The following LINGO2 variants were observed in gnomAD, a reference collection of about 807,000 sequenced individuals.
LINGO2 encodes leucine-rich repeat and immunoglobulin-like domain-containing nogo receptor-interacting protein 2.
A neutral mutation model predicts 30.6 loss-of-function variants in LINGO2; 14 were observed. The ratio of observed to expected loss-of-function variants is 0.46; its 90% CI spans 0.30 to 0.72. The LOEUF (loss-of-function observed/expected upper bound fraction) is 0.72, where lower values mean the gene tolerates loss of function less well. Among genes scored for constraint, LINGO2 ranks in the 30% least tolerant of loss-of-function variants. The probability of loss-of-function intolerance (pLI) is 0.07; values close to 1 mark genes in which losing one functional copy is unlikely to be tolerated. For missense variants in LINGO2, 729 were observed against 751.7 expected (o/e 0.97, Z 0.35); for synonymous variants, 317 against 288.5 (o/e 1.10, Z -1.00).
the LINGO2 span, among the ~76,000 whole-genome samples, chr9:29,001,499 C>A: frequency 1.5e-4 from 23 of 152,036 alleles, no homozygotes; most frequent in Admixed American, 8.5e-4. Flanking sequence ...CAGAGGCTGA[C>A]CTCAATATGA....
intron 4 of LINGO2, among the ~76,000 whole-genome samples, chr9:28,179,638 T>C (rs184241036): frequency 0.04 from 5,173 of 128,586 alleles, 321 homozygotes; most frequent in African/African-American, 0.13. Flanking sequence ...TTTTATACTA[T>C]ATATACTGTA....
the LINGO2 span, among the ~76,000 whole-genome samples, chr9:28,770,856 G>C: frequency 2.0e-5 from 3 of 152,128 alleles, no homozygotes; most frequent in African/African-American, 7.2e-5. Context: ...CTGTTGGTCA[G>C]ACCAAAAGAA....
rs112685768 is a variant in LINGO2, at chr9:28,345,685, C to T, written c.-246+27151G>A. Among the ~76,000 whole-genome samples, 1,321 of 152,202 alleles carry T rather than the reference C, an allele frequency of 8.7e-3. 27 individuals are homozygous for T. Among genetic ancestry groups the T allele is most frequent in the African/African-American group, 0.03 (1,250 of 41,522 alleles). On this transcript the variant is annotated intron_variant, in intron 3 of 5. Coordinates refer to ENST00000379992, the Ensembl canonical transcript of LINGO2. ...CCTTCAACTCACATTTGAGTTTTGTCCAGTATTCTTTCACCAAAGCAAACT... is the reference window on the plus strand; with the variant it reads ...CCTTCAACTCACATTTGAGTTTTGTTCAGTATTCTTTCACCAAAGCAAACT...
chr9:28,922,613 A>C, the LINGO2 span, among the ~76,000 whole-genome samples: 3 of 152,178 alleles, frequency 2.0e-5, no homozygotes, highest in South Asian at 6.2e-4. Context: ...AAAACAGTAA[A>C]TGGGATCAAG....
chr9:28,882,985 C>T, the LINGO2 span, among the ~76,000 whole-genome samples: 1 of 152,176 alleles, frequency 6.6e-6, no homozygotes, highest in South Asian at 2.1e-4. Flanking sequence ...TTAAAATAAA[C>T]ACACATACAC....
chr9:28,130,847 A>G lies in LINGO2; in HGVS notation c.-86-118442T>C, dbSNP rs1340415920. The stretch of plus-strand genomic sequence containing the variant: ...GCTACAGAAGGAAGTTTATGTACAT[A>G]TGTTCCCATGAATGCGTTTGAGGCC... On this transcript the variant is annotated intron_variant, in intron 4 of 5. Transcript: ENST00000379992. The surrounding 1 kb of genome is among the most constrained non-coding windows in gnomAD (Gnocchi z 5.2). Among the ~76,000 whole-genome samples, 2 of 152,132 alleles carry G rather than the reference A, an allele frequency of 1.3e-5. No individual in the cohort carries two copies. Among genetic ancestry groups the G allele is most frequent in the African/African-American group, 4.8e-5 (2 of 41,442 alleles).
At chr9:29,069,058 C>G in the LINGO2 span, among the ~76,000 whole-genome samples, 13 of 151,880 alleles carry the variant, frequency 8.6e-5, no homozygotes, top group Admixed American at 7.9e-4. Flanking sequence ...GAAGGATTTT[C>G]TTAAGCTTAG....
At chr9:28,314,779 T>TA (rs1188576288) in intron 3 of LINGO2, among the ~76,000 whole-genome samples, 1 of 151,896 alleles carries the variant, frequency 6.6e-6, no homozygotes, top group Non-Finnish European at 1.5e-5. Context: ...GGTCAGAAGA[T>TA]AGAGACCATC....
At chr9:28,434,399 G>T (rs1212059157) in intron 2 of LINGO2, among the ~76,000 whole-genome samples, 1 of 151,200 alleles carries the variant, frequency 6.6e-6, no homozygotes, top group African/African-American at 2.4e-5. Context: ...ACATTATTCA[G>T]ATAGAGGACA....
intron 4 of LINGO2, among the ~76,000 whole-genome samples, chr9:28,273,674 T>C (rs1238908683): frequency 3.9e-5 from 6 of 152,162 alleles, no homozygotes; most frequent in Admixed American, 6.5e-5. Context: ...GATATTGGGA[T>C]TGTTACGACT....
intron 5 of LINGO2, among the ~76,000 whole-genome samples, chr9:28,003,703 C>T (rs930813417): frequency 9.2e-5 from 14 of 152,240 alleles, no homozygotes; most frequent in South Asian, 8.3e-4. Context: ...CCTTGTGATC[C>T]GCCCGCCTTG....
At chr9:28,936,590 T>C in the LINGO2 span, among the ~76,000 whole-genome samples, 6 of 152,318 alleles carry the variant, frequency 3.9e-5, 1 homozygote, top group South Asian at 1.2e-3. Flanking sequence ...AGTTCTCCAC[T>C]GCTTGGAAAA....
intron 1 of LINGO2, among the ~76,000 whole-genome samples, chr9:28,508,025 T>C (rs1820223962): frequency 6.6e-6 from 1 of 152,024 alleles, no homozygotes; most frequent in Non-Finnish European, 1.5e-5. Context: ...CTTTGATGAG[T>C]GGGTAGGTTA....
rs978227614 is a variant in LINGO2 at position 28,035,911 on chromosome 9, CACACAT to C, written c.-86-23512_-86-23507del. On this transcript the variant is annotated intron_variant, in intron 4 of 5. Transcript: ENST00000379992. ...ACACACAAACACACACACACACACA[CACACAT>C]GCGCTAATATAATACTGACTCATCA... Among the ~76,000 whole-genome samples the C allele has an allele frequency of 2.1e-3, 314 of 151,804 alleles. 1 individual carries two copies. Among genetic ancestry groups the C allele is most frequent in the African/African-American group, 6.7e-3 (279 of 41,334 alleles).
intron 1 of LINGO2, among the ~76,000 whole-genome samples, chr9:28,536,982 G>A (rs796578384): frequency 2.6e-5 from 4 of 152,128 alleles, no homozygotes; most frequent in African/African-American, 9.6e-5. Context: ...TACTAGAACA[G>A]AATGGGCCTC....
intron 1 of LINGO2, among the ~76,000 whole-genome samples, chr9:28,583,137 A>G (rs998654811): frequency 6.6e-6 from 1 of 152,028 alleles, no homozygotes; most frequent in African/African-American, 2.4e-5. Context: ...AGGAAAAGAG[A>G]TATATAATTT....
chr9:28,148,415 G>A lies in LINGO2; in HGVS notation c.-86-136010C>T, dbSNP rs1464269730. The A allele has an allele frequency of 3.8e-6, 5 of 1,315,852 alleles. No individual in the cohort carries two copies. The African/African-American group carries it at 4.4e-5, about 11-fold the overall frequency. The allele number at this position is 1,315,852 out of a possible 1,614,324, so 81.5% of individuals were successfully genotyped here. On this transcript the variant is annotated intron_variant, in intron 4 of 5. Transcript: ENST00000379992. This position sits in a 1 kb window ranked among gnomAD's most constrained non-coding sequence, Gnocchi z 5.1. ...TTCATTAGATGAGCAGGTGATCCCAGCCAGGCTCCCGAAGATGGAGGTGAG... is the reference window on the plus strand; with the variant it reads ...TTCATTAGATGAGCAGGTGATCCCAACCAGGCTCCCGAAGATGGAGGTGAG...
At chr9:29,077,915 T>A in the LINGO2 span, among the ~76,000 whole-genome samples, 1 of 151,854 alleles carries the variant, frequency 6.6e-6, no homozygotes, top group Admixed American at 6.6e-5. Context: ...TCCCAAAGAA[T>A]TGGAATTAAG....
chr9:28,592,866 T>C (rs1170124880), intron 1 of LINGO2, among the ~76,000 whole-genome samples: 2 of 152,062 alleles, frequency 1.3e-5, no homozygotes, highest in Non-Finnish European at 2.9e-5. Flanking sequence ...AGCAGATATC[T>C]TCTGTAGCCC....
Sources: gnomAD v4.1 joint callset for allele counts (sites outside exome capture counted in the v4.1 genomes callset) on GRCh38, gnomAD v4.1.1 for gene constraint, Gnocchi (gnomAD v3.1) non-coding constraint, MANE v1.5 for transcripts, NCBI Gene and HGNC (gene_info 2026-07-23, HGNC 2026-07-21) for gene names.